DPP9: variants seen among roughly 807,000 people sequenced by gnomAD.
DPP9 encodes the protein dipeptidyl peptidase IV-related protein-2.
DPP9 carries 50 observed loss-of-function variants against 110.7 expected under a neutral mutation model. The ratio of observed to expected loss-of-function variants is 0.45; its 90% CI spans 0.36 to 0.57. DPP9 has a LOEUF of 0.57. Among genes scored for constraint, DPP9 ranks in the 20% least tolerant of loss-of-function variants. DPP9 has a pLI of 0.00. For missense variants in DPP9, 1,022 were observed against 1,217.9 expected (o/e 0.84, Z 2.39); for synonymous variants, 561 against 514.4 (o/e 1.09, Z -1.23).
intron 14 of DPP9, among the ~76,000 whole-genome samples, chr19:4,690,512 A>G (rs890531899): frequency 1.3e-5 from 2 of 152,212 alleles, no homozygotes; most frequent in Non-Finnish European, 2.9e-5. Context: ...CCCCACAACA[A>G]GGCAGCTGGA....
Position 4,685,695 on chromosome 19 carries a change from G to C in DPP9, c.1962C>G (p.Ile654Met), listed in dbSNP as rs1451684922. ...TRSDVRLYGM[I>M]YKPHALQPGK... ...CTGGCTGCAAGGCGTGGGGCTTGTAGATCATGCCGTAGAGCCGCACATCCG... is the reference window on the plus strand; with the variant it reads ...CTGGCTGCAAGGCGTGGGGCTTGTACATCATGCCGTAGAGCCGCACATCCG... Residue 654 changes from isoleucine (I) to methionine (M), a missense_variant, in exon 17 of 22, where the codon ATC becomes ATG. Coordinates refer to ENST00000262960, the MANE Select transcript of DPP9 (RefSeq NM_139159.5). The surrounding 1 kb of genome is among the most constrained non-coding windows in gnomAD (Gnocchi z 5.8). The C allele has an allele frequency of 6.2e-7, 1 of 1,613,396 alleles. No individual in the cohort carries two copies. The highest frequency in any genetic ancestry group is 8.5e-7 in the Non-Finnish European group (1 of 1,179,818).
At chr19:4,714,434 C>T (rs546871897) in intron 3 of DPP9, 97 bp from the exon 4 acceptor site, 49 of 1,413,604 alleles carry the variant, frequency 3.5e-5, no homozygotes, top group South Asian at 2.4e-4. Flanking sequence ...TTCTTCCAGA[C>T]GAGCCCCACC....
At position 4,679,942 on chromosome 19, in the gene DPP9, T is replaced by A; in HGVS notation, c.2479A>T (p.Asn827Tyr). ...LHVEKLPNEP[N>Y]RLLILHGFLD... Reference sequence around the variant, plus strand: ...AAGCCGTGGAGGATAAGCAAGCGGTTGGGCCTGGAAAACAGATGGGGAAGG... The same window carrying A: ...AAGCCGTGGAGGATAAGCAAGCGGTAGGGCCTGGAAAACAGATGGGGAAGG... The change falls in exon 21 of 22, where the codon AAC becomes TAC. Residue 827 changes from asparagine (N) to tyrosine (Y), a missense_variant. Physicochemically the swap from Asn to Tyr is moderately radical, Grantham distance 143. Coordinates refer to ENST00000262960, the MANE Select transcript of DPP9 (RefSeq NM_139159.5). 1 of 1,611,526 alleles carries A rather than the reference T, an allele frequency of 6.2e-7. No individual in the cohort carries two copies. Among genetic ancestry groups the A allele is most frequent in the Non-Finnish European group, 8.5e-7 (1 of 1,178,966 alleles).
In DPP9 at chr19:4,695,491, G is replaced by C; in HGVS notation, c.1240C>G (p.Leu414Val). ...WLQLVLLPPA[L>V]FIPSTENEEQ... ...TCATTCTCTGTGCTCGGGATGAACA[G>C]GGCCGGGGGGAGGAGGACGAGCTGG... Residue 414 changes from leucine to valine, a missense_variant, in exon 12 of 22, where the codon CTG (leucine) becomes GTG (valine). By Grantham distance (32) the Leu-to-Val change is conservative. Around this residue, in one of 3 missense-constraint regions of DPP9, gnomAD observed 810 missense variants for 920.6 expected, o/e 0.88. Transcript: ENST00000262960. The surrounding 1 kb of genome is among the most constrained non-coding windows in gnomAD (Gnocchi z 4.7). The C allele has an allele frequency of 1.3e-6, 2 of 1,562,530 alleles. No individual in the cohort carries two copies. Among genetic ancestry groups the C allele is most frequent in the Non-Finnish European group, 1.7e-6 (2 of 1,156,526 alleles).
In DPP9 at chr19:4,694,829, C is replaced by A. The variant is rs770896961; in HGVS notation, c.1354-6G>T. 2 of 1,613,332 alleles carry A rather than the reference C, an allele frequency of 1.2e-6. No individual in the cohort carries two copies. On this transcript the variant is annotated splice_region_variant and splice_polypyrimidine_tract_variant and intron_variant, in intron 12 of 21. Coordinates refer to ENST00000262960, the MANE Select transcript of DPP9 (RefSeq NM_139159.5). This position sits in a 1 kb window ranked among gnomAD's most constrained non-coding sequence, Gnocchi z 4.0. ...GGATAGAAGATGTCATGAACCTGTC[C>A]GGAAAGCAGATAGAAGATGCGTCAG...
At chr19:4,713,180 T>C (rs892811828) in intron 4 of DPP9, among the ~76,000 whole-genome samples, 6 of 152,186 alleles carry the variant, frequency 3.9e-5, no homozygotes, top group Admixed American at 2.6e-4. Context: ...CTGGCCCCAA[T>C]GTCCATGGTG....
intron 2 of DPP9, among the ~76,000 whole-genome samples, chr19:4,721,703 C>T (rs1204004060): frequency 6.6e-6 from 1 of 152,196 alleles, no homozygotes; most frequent in Non-Finnish European, 1.5e-5. Context: ...ATTGCTTGAA[C>T]TCAGAAGGCG....
rs1427227928 is a variant in DPP9 at position 4,705,952 on chromosome 19, C to A, written c.332G>T (p.Arg111Leu). ...CTCAGAGTAGAGGAGGGAGTTCTCTCGGCTGCCATATGGCATTCCTAAAGG... is the reference window on the plus strand; with the variant it reads ...CTCAGAGTAGAGGAGGGAGTTCTCTAGGCTGCCATATGGCATTCCTAAAGG... ...LYYLGMPYGS[R>L]ENSLLYSEIP... Residue 111 changes from arginine to leucine, a missense_variant, in exon 5 of 22, where the codon CGA becomes CTA. Arg to Leu is a moderately radical substitution (Grantham distance 102). This residue lies in a region of DPP9 where 810 missense variants were observed against 920.6 expected (regional missense o/e 0.88). Coordinates refer to ENST00000262960, the MANE Select transcript of DPP9 (RefSeq NM_139159.5). The A allele has an allele frequency of 1.9e-6, 3 of 1,613,726 alleles. No homozygotes were observed. Among genetic ancestry groups the A allele is most frequent in the Non-Finnish European group, 1.7e-6 (2 of 1,179,714 alleles).
chr19:4,704,176 G>A lies in DPP9; in HGVS notation c.555C>T (p.Ser185=). 1 of 1,614,018 alleles carries A rather than the reference G, an allele frequency of 6.2e-7. No individual in the cohort carries two copies. Among genetic ancestry groups the A allele is most frequent in the South Asian group, 1.1e-5 (1 of 91,088 alleles). Residue 185 remains serine (S), a synonymous_variant, in exon 6 of 22, where the codon AGC becomes AGT. Transcript: ENST00000262960. The surrounding 1 kb of genome is among the most constrained non-coding windows in gnomAD (Gnocchi z 6.0). ...CGTCGCGGCAGTGGAAGAGGCTGTT[G>A]CTGGCCTGGAAGAGGAAGAGGCCAC... ...SESGLFLFQA[S]NSLFHCRDGG...
At chr19:4,706,188 G>C (rs2092573764) in intron 4 of DPP9, among the ~76,000 whole-genome samples, 1 of 152,006 alleles carries the variant, frequency 6.6e-6, no homozygotes, top group Non-Finnish European at 1.5e-5. Context: ...CTCACGGCCT[G>C]AATTACCGAA....
At position 4,710,885 on chromosome 19, in the gene DPP9, A is replaced by G. The variant is rs975568056; in HGVS notation, c.313+3196T>C. On this transcript the variant is annotated intron_variant, in intron 4 of 21. Transcript: ENST00000262960. The surrounding 1 kb of genome is among the most constrained non-coding windows in gnomAD (Gnocchi z 5.6). Reference sequence around the variant, plus strand: ...ACGTTCTGGGGTTTCTGCCAAGTTCATGCCCACTGGGGTGGGCCCTCAGCA... The same window carrying G: ...ACGTTCTGGGGTTTCTGCCAAGTTCGTGCCCACTGGGGTGGGCCCTCAGCA... Among the ~76,000 whole-genome samples the G allele has an allele frequency of 3.3e-5, 5 of 152,142 alleles. No individual in the cohort carries two copies. Among genetic ancestry groups the G allele is most frequent in the Non-Finnish European group, 7.4e-5 (5 of 68,016 alleles).
intron 7 of DPP9, 101 bp from the exon 8 acceptor site, chr19:4,702,817 G>A: frequency 4.0e-6 from 1 of 249,352 alleles, no homozygotes; most frequent in Admixed American, 5.3e-5. Context: ...GGAGAGAGAA[G>A]GAGGGAAGGA....
At chr19:4,701,905 C>T (rs1365158117) in intron 9 of DPP9, 122 bp downstream of exon 9, 2 of 1,388,642 alleles carry the variant, frequency 1.4e-6, no homozygotes, top group Non-Finnish European at 2.0e-6. Context: ...CTTCTACACC[C>T]CCATAGATGC....
chr19:4,688,615 G>A (rs2091018832), intron 16 of DPP9, 142 bp downstream of exon 16: 4 of 1,102,072 alleles, frequency 3.6e-6, no homozygotes, highest in Non-Finnish European at 4.8e-6. Context: ...CGAGTTCCCA[G>A]ATGCTTGGAG....
chr19:4,699,317 G>A (rs1057326175), intron 10 of DPP9, among the ~76,000 whole-genome samples: 3 of 152,026 alleles, frequency 2.0e-5, no homozygotes, highest in African/African-American at 7.2e-5. Flanking sequence ...TGGACGCCTG[G>A]TGTCCCCATC....
Position 4,695,223 on chromosome 19 carries a change from C to G in DPP9, c.1353+155G>C. On this transcript the variant is annotated intron_variant, in intron 12 of 21. Transcript: ENST00000262960. The surrounding 1 kb of genome is among the most constrained non-coding windows in gnomAD (Gnocchi z 4.7). ...CTCACCAACCCCCCTAGACCCTCTT[C>G]CCTGCCAGCCAGGGATGGCCAAGGC... 1.3e-6 allele frequency: 1 copy of G among 783,626 alleles called. No homozygotes were observed. The highest frequency in any genetic ancestry group is 2.0e-6 in the Non-Finnish European group (1 of 508,962). The allele number at this position is 783,626 out of a possible 1,614,324, so 48.5% of individuals were successfully genotyped here. A position where few individuals can be genotyped will look rare whatever the true frequency, so the allele number is the denominator to read the frequency against.
chr19:4,719,638 G>C, intron 3 of DPP9: 1 of 622,480 alleles, frequency 1.6e-6, no homozygotes, highest in Non-Finnish European at 2.8e-6. Flanking sequence ...CCACCCCAGA[G>C]AACATTCCAG....
intron 4 of DPP9, among the ~76,000 whole-genome samples, chr19:4,709,043 G>C (rs763666423): frequency 6.6e-6 from 1 of 152,070 alleles, no homozygotes; most frequent in African/African-American, 2.4e-5. Context: ...TCAGCCTCCC[G>C]AGTAGCTGGG....
chr19:4,682,557 C>A lies in DPP9; in HGVS notation c.2474+139G>T. On this transcript the variant is annotated intron_variant, in intron 20 of 21. Transcript: ENST00000262960. This position sits in a 1 kb window ranked among gnomAD's most constrained non-coding sequence, Gnocchi z 7.1. ...ATGCAGGCAGACGCCACCACAGGAG[C>A]ACAGCGGGGAGGCTCCACATGGCCT... 7.7e-7 allele frequency: 1 copy of A among 1,291,858 alleles called. No individual in the cohort carries two copies. Among genetic ancestry groups the A allele is most frequent in the Non-Finnish European group, 1.1e-6 (1 of 947,320 alleles). 80.0% of individuals were successfully genotyped at this position (1,291,858 alleles called of 1,614,324 possible). A position where few individuals can be genotyped will look rare whatever the true frequency, so the allele number is the denominator to read the frequency against.
Sources: gnomAD v4.1 joint callset for allele counts (sites outside exome capture counted in the v4.1 genomes callset) on GRCh38, gnomAD v4.1.1 for gene constraint, gnomAD v4.1.1 regional missense constraint, Gnocchi (gnomAD v3.1) non-coding constraint, MANE v1.5 for transcripts, NCBI Gene and HGNC (gene_info 2026-07-23, HGNC 2026-07-21) for gene names.